The following CDH12 variants were observed in gnomAD, a reference collection of about 807,000 sequenced individuals.
CDH12 encodes cadherin 12.
A neutral mutation model predicts 74.1 loss-of-function variants in CDH12; 41 were observed. That is an observed-to-expected ratio of 0.55 (90% CI 0.43 to 0.72). The LOEUF is 0.72. CDH12 is among the 30% of genes least tolerant of loss of function. The pLI is 0.00. For synonymous variants in CDH12, 399 were observed against 355.0 expected (o/e 1.12, Z -1.39); for missense variants, 945 against 977.2 (o/e 0.97, Z 0.44).
chr5:21,839,311 G>A (rs1022054075), intron 8 of CDH12, among the ~76,000 whole-genome samples: 4 of 151,956 alleles, frequency 2.6e-5, no homozygotes, highest in Admixed American at 2.6e-4. Flanking sequence ...ATTAATCATA[G>A]CATATTATAT....
At chr5:21,992,175 C>T (rs1397132258) in intron 5 of CDH12, among the ~76,000 whole-genome samples, 1 of 150,928 alleles carries the variant, frequency 6.6e-6, no homozygotes, top group Non-Finnish European at 1.5e-5. Context: ...CAAGAAACTG[C>T]CAAAGAGATA....
At position 22,267,774 on chromosome 5, in the gene CDH12, CTCT is replaced by C. The variant is rs1340708883; in HGVS notation, c.-332-55134_-332-55132del. 1.4e-3 allele frequency among the ~76,000 whole-genome samples: 217 copies of C among 152,170 alleles called. 1 individual carries two copies. The highest frequency in any genetic ancestry group is 2.7e-3 in the Non-Finnish European group (186 of 67,994). ...GGTAGTAAGAAGTGAAGGCTTTTCC[CTCT>C]CAAACATTACCAGATCCAACTTGAT... On this transcript the variant is annotated intron_variant, in intron 3 of 14. Coordinates refer to ENST00000382254, the MANE Select transcript of CDH12 (RefSeq NM_004061.5).
At chr5:22,410,914 T>C (rs1743145296) in intron 2 of CDH12, among the ~76,000 whole-genome samples, 1 of 152,018 alleles carries the variant, frequency 6.6e-6, no homozygotes, top group African/African-American at 2.4e-5. Context: ...AAATCTGTGT[T>C]TCCAGTTGGC....
chr5:22,842,863 T>A (rs1737139759), intron 1 of CDH12, among the ~76,000 whole-genome samples: 1 of 152,062 alleles, frequency 6.6e-6, no homozygotes, highest in Non-Finnish European at 1.5e-5. Flanking sequence ...TAAATCTATT[T>A]TAAACAACAA....
At chr5:22,225,360 T>G (rs1448470957) in intron 3 of CDH12, among the ~76,000 whole-genome samples, 4 of 152,116 alleles carry the variant, frequency 2.6e-5, no homozygotes, top group South Asian at 2.1e-4. Flanking sequence ...AGTCATTTTG[T>G]GCTTCCCAGT....
chr5:22,090,750 A>T (rs1429548770), intron 4 of CDH12, among the ~76,000 whole-genome samples: 1 of 151,998 alleles, frequency 6.6e-6, no homozygotes, highest in Non-Finnish European at 1.5e-5. Flanking sequence ...GATTTATCTT[A>T]TTACTGCAAT....
At chr5:21,858,221 A>C (rs1326806144) in intron 6 of CDH12, among the ~76,000 whole-genome samples, 1 of 152,034 alleles carries the variant, frequency 6.6e-6, no homozygotes, top group African/African-American at 2.4e-5. Context: ...TATATGTTAA[A>C]CTATATGTGG....
intron 2 of CDH12, among the ~76,000 whole-genome samples, chr5:22,457,620 C>T (rs1745334502): frequency 6.6e-6 from 1 of 150,894 alleles, no homozygotes; most frequent in Admixed American, 6.6e-5. Flanking sequence ...GCTCTGTCAC[C>T]CAGGCTGGAG....
intron 3 of CDH12, among the ~76,000 whole-genome samples, chr5:22,399,014 G>A (rs1188096612): frequency 6.6e-6 from 1 of 152,020 alleles, no homozygotes; most frequent in African/African-American, 2.4e-5. Flanking sequence ...TCAGTAAAAA[G>A]AGGTTTTTTG....
At chr5:22,250,244 G>T (rs1753091767) in intron 3 of CDH12, among the ~76,000 whole-genome samples, 1 of 152,026 alleles carries the variant, frequency 6.6e-6, no homozygotes, top group African/African-American at 2.4e-5. Flanking sequence ...ACATACTAGT[G>T]GCTTAAAAGA....
At chr5:22,201,271 C>T (rs115453587) in intron 4 of CDH12, among the ~76,000 whole-genome samples, 2,068 of 152,194 alleles carry the variant, frequency 0.014, 40 homozygotes, top group African/African-American at 0.045. Flanking sequence ...ATCCAAGATA[C>T]GGAATCAATC....
chr5:21,812,728 T>C (rs915626159), intron 9 of CDH12, among the ~76,000 whole-genome samples: 1 of 152,130 alleles, frequency 6.6e-6, no homozygotes, highest in African/African-American at 2.4e-5. Context: ...CGATACAATA[T>C]ATACAATAGA....
At chr5:22,431,382 T>C (rs1243148505) in intron 2 of CDH12, among the ~76,000 whole-genome samples, 1 of 152,338 alleles carries the variant, frequency 6.6e-6, no homozygotes, top group South Asian at 2.1e-4. Context: ...CTCATGTATT[T>C]GTGGCGATGC....
At chr5:22,666,038 G>C (rs1580866747) in intron 1 of CDH12, among the ~76,000 whole-genome samples, 1 of 151,902 alleles carries the variant, frequency 6.6e-6, no homozygotes, top group East Asian at 1.9e-4. Context: ...TTCCTACTCC[G>C]ATGTCTTAAA....
intron 1 of CDH12, among the ~76,000 whole-genome samples, chr5:22,760,493 A>C (rs1746150771): frequency 6.6e-6 from 1 of 152,102 alleles, no homozygotes; most frequent in Non-Finnish European, 1.5e-5. Flanking sequence ...AGCCTGGCCA[A>C]CATGATGAAA....
Position 22,186,889 on chromosome 5 carries a change from G to A in CDH12, c.-187+25609C>T, listed in dbSNP as rs180686047. On this transcript the variant is annotated intron_variant, in intron 4 of 14. Transcript: ENST00000382254. ...TGGAGTAAAATAGCAAAACATGCTC[G>A]TAAAAGCACTAAATAAATAAGAAAT... Among the ~76,000 whole-genome samples the A allele has an allele frequency of 6.0e-3, 910 of 152,174 alleles. 5 individuals are homozygous for A. Among genetic ancestry groups the A allele is most frequent in the Non-Finnish European group, 9.4e-3 (641 of 68,016 alleles).
At chr5:21,927,722 G>T (rs1754650292) in intron 6 of CDH12, among the ~76,000 whole-genome samples, 1 of 152,070 alleles carries the variant, frequency 6.6e-6, no homozygotes, top group Non-Finnish European at 1.5e-5. Flanking sequence ...TGTGGTCAGG[G>T]ATTCAGATGC....
intron 9 of CDH12, among the ~76,000 whole-genome samples, chr5:21,809,729 A>C (rs979364631): frequency 6.6e-6 from 1 of 152,174 alleles, no homozygotes; most frequent in Admixed American, 6.6e-5. Context: ...CAACAATTTT[A>C]AACATCTTAT....
At chr5:22,592,378 C>T (rs895823457) in intron 1 of CDH12, among the ~76,000 whole-genome samples, 3 of 152,138 alleles carry the variant, frequency 2.0e-5, no homozygotes, top group African/African-American at 7.2e-5. Flanking sequence ...TCTGCACTTT[C>T]TCTTCCTGCC....
Sources: gnomAD v4.1 joint callset for allele counts (sites outside exome capture counted in the v4.1 genomes callset) on GRCh38, gnomAD v4.1.1 for gene constraint, MANE v1.5 for transcripts, NCBI Gene and HGNC (gene_info 2026-07-23, HGNC 2026-07-21) for gene names.